The following UHRF1 variants were observed in gnomAD, a reference collection of about 807,000 sequenced individuals.
UHRF1 encodes the protein E3 ubiquitin-protein ligase UHRF1.
Under a neutral mutation model 96.5 loss-of-function variants are expected in UHRF1, and 9 were observed. That is an observed-to-expected ratio of 0.09 (90% CI 0.06 to 0.16). The LOEUF is 0.16. Among genes scored for constraint, UHRF1 ranks in the 10% least tolerant of loss-of-function variants. The probability of loss-of-function intolerance (pLI) is 1.00; values close to 1 mark genes in which losing one functional copy is unlikely to be tolerated. For missense variants in UHRF1, 626 were observed against 1,131.1 expected (o/e 0.55, Z 6.40); for synonymous variants, 455 against 469.9 (o/e 0.97, Z 0.41).
At chr19:4,939,751 G>A (rs966983852) in intron 5 of UHRF1, among the ~76,000 whole-genome samples, 2 of 152,154 alleles carry the variant, frequency 1.3e-5, no homozygotes, top group Non-Finnish European at 1.5e-5. Context: ...GGTGCCAGGC[G>A]CAGTGGCTCA....
intron 2 of UHRF1, among the ~76,000 whole-genome samples, chr19:4,921,318 C>T (rs2032696182): frequency 7.0e-6 from 1 of 142,666 alleles, no homozygotes; most frequent in South Asian, 2.3e-4. Context: ...GCATGTCTGT[C>T]ATCGCAGCTA....
At chr19:4,943,304 C>T (rs540628082) in intron 7 of UHRF1, among the ~76,000 whole-genome samples, 563 of 152,102 alleles carry the variant, frequency 3.7e-3, no homozygotes, top group Non-Finnish European at 6.4e-3. Flanking sequence ...GTGAGACCTG[C>T]GGCCAGCCAG....
intron 2 of UHRF1, among the ~76,000 whole-genome samples, chr19:4,919,984 A>G (rs543580895): frequency 1.3e-5 from 2 of 151,932 alleles, no homozygotes; most frequent in Admixed American, 1.3e-4. Context: ...CGCCTGGCTA[A>G]TTTTGTATTT....
At chr19:4,953,503 G>A (rs1327870681) in intron 13 of UHRF1, among the ~76,000 whole-genome samples, 1 of 152,072 alleles carries the variant, frequency 6.6e-6, no homozygotes, top group Admixed American at 6.6e-5. Flanking sequence ...TCGCTCTGTT[G>A]TCCAGGCTGG....
At chr19:4,941,138 T>G (rs1342080826) in intron 5 of UHRF1, among the ~76,000 whole-genome samples, 1 of 133,844 alleles carries the variant, frequency 7.5e-6, no homozygotes, top group African/African-American at 2.9e-5. Flanking sequence ...TCGCCCAGGC[T>G]GGAGTGCAGT....
intron 5 of UHRF1, among the ~76,000 whole-genome samples, chr19:4,941,054 T>C (rs2033378189): frequency 6.7e-6 from 1 of 148,710 alleles, no homozygotes; most frequent in South Asian, 2.1e-4. Context: ...TCCCAGGGCA[T>C]CCTGCAATGA....
intron 2 of UHRF1, among the ~76,000 whole-genome samples, chr19:4,920,795 A>G (rs557983511): frequency 6.6e-6 from 1 of 152,252 alleles, no homozygotes; most frequent in East Asian, 1.9e-4. Context: ...ATTTCAGTGC[A>G]TCTTCCCCAG....
intron 2 of UHRF1, among the ~76,000 whole-genome samples, chr19:4,915,623 C>T (rs999686619): frequency 2.6e-5 from 4 of 151,994 alleles, no homozygotes; most frequent in African/African-American, 9.7e-5. Flanking sequence ...GCAGGAGAAT[C>T]GCTTGAACCT....
chr19:4,918,715 GTTTTT>G (rs536401524), intron 2 of UHRF1, among the ~76,000 whole-genome samples: 3 of 115,316 alleles, frequency 2.6e-5, no homozygotes, highest in African/African-American at 3.6e-5. Flanking sequence ...TGCCCAGCTG[GTTTTT>G]TTTTTTTTTT....
chr19:4,931,556 C>T (rs989255487), intron 4 of UHRF1, among the ~76,000 whole-genome samples: 8 of 152,276 alleles, frequency 5.3e-5, no homozygotes, highest in African/African-American at 1.7e-4. Context: ...CAACCTCCGC[C>T]TCCCAGGTTC....
At chr19:4,927,470 A>T (rs755681797) in intron 2 of UHRF1, among the ~76,000 whole-genome samples, 17 of 152,146 alleles carry the variant, frequency 1.1e-4, no homozygotes, top group Non-Finnish European at 1.3e-4. Flanking sequence ...AAAGAAAGAA[A>T]GCCTGCAGAG....
rs561267010 is a variant in UHRF1, at chr19:4,960,637, G to T, written c.2236-20G>T. 1.2e-6 allele frequency: 2 copies of T among 1,610,974 alleles called. No individual in the cohort carries two copies. Among genetic ancestry groups the T allele is most frequent in the Non-Finnish European group, 1.7e-6 (2 of 1,178,684 alleles). ...TGATGGTGTGGATGGCACTTCTCAC[G>T]CGCCTGCTGTGTCTTACAGGACTGC... On this transcript the variant is annotated intron_variant, in intron 16 of 16. Coordinates refer to ENST00000650932, the MANE Select transcript of UHRF1 (RefSeq NM_001048201.3).
In UHRF1 at chr19:4,941,728, T is replaced by G. The variant is rs1362560752; in HGVS notation, c.887-17T>G. 6.5e-7 allele frequency: 1 copy of G among 1,541,984 alleles called. No homozygotes were observed. The highest frequency in any genetic ancestry group is 1.2e-5 in the South Asian group (1 of 84,092). On this transcript the variant is annotated splice_polypyrimidine_tract_variant and intron_variant, in intron 6 of 16. Transcript: ENST00000650932. ...GGCCGGGCCCCGCCGGAGCTGACCC[T>G]GCCGCCCCGTGCCCAGGGAAGAGCG...
At chr19:4,953,644 T>C (rs2033777569) in intron 13 of UHRF1, among the ~76,000 whole-genome samples, 1 of 152,072 alleles carries the variant, frequency 6.6e-6, no homozygotes, top group Non-Finnish European at 1.5e-5. Context: ...TTTAAATTTT[T>C]TTGTAGAGAG....
At position 4,954,007 on chromosome 19, in the gene UHRF1, A is replaced by G. The variant is rs545638886; in HGVS notation, c.1819-343A>G. On this transcript the variant is annotated intron_variant, in intron 13 of 16. Coordinates refer to ENST00000650932, the MANE Select transcript of UHRF1 (RefSeq NM_001048201.3). This position sits in a 1 kb window ranked among gnomAD's most constrained non-coding sequence, Gnocchi z 5.9. Reference sequence around the variant, plus strand: ...GTTCACATCCCTGTGGGACGATGCAATGTTTCATCATGCAGTGTGCGTGAT... The same window carrying G: ...GTTCACATCCCTGTGGGACGATGCAGTGTTTCATCATGCAGTGTGCGTGAT... Among the ~76,000 whole-genome samples the G allele has an allele frequency of 1.7e-4, 26 of 152,156 alleles. No individual in the cohort carries two copies. Among genetic ancestry groups the G allele is most frequent in the African/African-American group, 4.8e-4 (20 of 41,524 alleles).
intron 5 of UHRF1, among the ~76,000 whole-genome samples, chr19:4,941,085 GTTTTTTTTTTTTTT>G (rs869250736): frequency 2.0e-5 from 1 of 50,082 alleles, no homozygotes; most frequent in Non-Finnish European, 3.4e-5. Flanking sequence ...TCTGTGTTTT[GTTTTTTTTTTTTTT>G]TTTTTTTTTG....
At chr19:4,953,453 T>C (rs1288992612) in intron 13 of UHRF1, among the ~76,000 whole-genome samples, 2 of 152,162 alleles carry the variant, frequency 1.3e-5, no homozygotes, top group Admixed American at 1.3e-4. Flanking sequence ...TCCCTACTCT[T>C]GCACTTTGGG....
intron 16 of UHRF1, among the ~76,000 whole-genome samples, chr19:4,958,465 C>T (rs1023114618): frequency 1.4e-4 from 21 of 152,134 alleles, no homozygotes; most frequent in African/African-American, 4.6e-4. Context: ...CTGGGAGCCC[C>T]GTGGCGGTAG....
At chr19:4,934,549 C>G (rs974148296) in intron 5 of UHRF1, among the ~76,000 whole-genome samples, 9 of 152,210 alleles carry the variant, frequency 5.9e-5, no homozygotes, top group African/African-American at 2.2e-4. Context: ...TGGGATCACA[C>G]AGGATTTGTC....
Sources: gnomAD v4.1 joint callset for allele counts (sites outside exome capture counted in the v4.1 genomes callset) on GRCh38, gnomAD v4.1.1 for gene constraint, Gnocchi (gnomAD v3.1) non-coding constraint, MANE v1.5 for transcripts, NCBI Gene and HGNC (gene_info 2026-07-23, HGNC 2026-07-21) for gene names.